Variants in TCHH observed in about 807,000 individuals in gnomAD.
The protein encoded by TCHH is trichohyalin.
In TCHH, 6 loss-of-function variants were observed where a neutral mutation model predicts 6.3. The observed-to-expected ratio is 0.95, with a 90% CI of 0.52 to 1.88. TCHH has a LOEUF of 1.88. Among genes scored for constraint, TCHH ranks in the 40% most tolerant of loss-of-function variants. The pLI is 0.01. For synonymous variants in TCHH, 1,087 were observed against 963.6 expected (o/e 1.13, Z -2.37); for missense variants, 2,920 against 2,449.1 (o/e 1.19, Z -4.06).
rs768981306 is a variant in TCHH at position 152,110,234 on chromosome 1, C to T, written c.2983G>A (p.Glu995Lys). The change falls in exon 3 of 3, where the codon GAG becomes AAG. Residue 995 changes from glutamate (E) to lysine (K), a missense_variant. Physicochemically the swap from Glu to Lys is moderately conservative, Grantham distance 56. Transcript: ENST00000614923. ...AGCTGCTCTTCCTCCTGCTGCAACT[C>T]CTCTTCCTCGCGGTATTTTTTCTCC... ...EREKKYREEE[E>K]LQQEEEQLLR... The T allele has an allele frequency of 3.1e-6, 5 of 1,602,714 alleles. No individual in the cohort carries two copies. Among genetic ancestry groups the T allele is most frequent in the East Asian group, 4.5e-5 (2 of 44,136 alleles).
chr1:152,115,260 T>C (rs1211766321), intron 1 of TCHH, 131 bp downstream of exon 1: 2 of 152,204 alleles, frequency 1.3e-5, no homozygotes, highest in Non-Finnish European at 2.9e-5. Flanking sequence ...GAGTTAGTGA[T>C]AGTTTATTTA....
rs1658300205 is a variant in TCHH, at chr1:152,110,520, C to T, written c.2697G>A (p.Leu899=). The change falls in exon 3 of 3, where the codon CTG becomes CTA. Residue 899 remains leucine, a synonymous_variant. Coordinates refer to ENST00000614923, the MANE Select transcript of TCHH (RefSeq NM_007113.4). The part of the protein sequence containing the change: ...LYAKPALQEQ[L]RKEQQLLQEE... Reference sequence around the variant, plus strand: ...CCTGCAGCAGCTGCTGTTCCTTCCTCAGCTGCTCTTGTAGGGCTGGCTTGG... The same window carrying T: ...CCTGCAGCAGCTGCTGTTCCTTCCTTAGCTGCTCTTGTAGGGCTGGCTTGG... 1.9e-6 allele frequency: 3 copies of T among 1,614,098 alleles called. No homozygotes were observed. The highest frequency in any genetic ancestry group is 2.7e-5 in the African/African-American group (2 of 74,930).
At position 152,108,077 on chromosome 1, in the gene TCHH, G is replaced by C. The variant is rs1210207434; in HGVS notation, c.5140C>G (p.Gln1714Glu). Residue 1714 changes from glutamine to glutamate, a missense_variant, in exon 3 of 3, where the codon CAG becomes GAG. Coordinates refer to ENST00000614923, the MANE Select transcript of TCHH (RefSeq NM_007113.4). ...ERERKFLQEE[Q>E]QLRRQELERK... is the part of the protein sequence containing the mutation. ...TCCAGTTCCTGGCGGCGCAGCTGCTGTTCCTCCTGGAGGAATTTTCTCTCT... is the reference window on the plus strand; with the variant it reads ...TCCAGTTCCTGGCGGCGCAGCTGCTCTTCCTCCTGGAGGAATTTTCTCTCT... 5 of 1,612,586 alleles carry C rather than the reference G, an allele frequency of 3.1e-6. No individual in the cohort carries two copies. The highest frequency in any genetic ancestry group is 4.2e-6 in the Non-Finnish European group (5 of 1,179,756).
In TCHH at chr1:152,109,143, A is replaced by T; in HGVS notation, c.4074T>A (p.Arg1358=). The change falls in exon 3 of 3, where the codon CGT becomes CGA. Residue 1358 remains arginine, a synonymous_variant. Coordinates refer to ENST00000614923, the MANE Select transcript of TCHH (RefSeq NM_007113.4). ...REEQPLRRQE[R]DRKFREEELR... ...GTTCCTCTTCGCGGAATTTTCTGTCACGCTCTTGGCGGCGCAGCGGCTGTT... is the reference window on the plus strand; with the variant it reads ...GTTCCTCTTCGCGGAATTTTCTGTCTCGCTCTTGGCGGCGCAGCGGCTGTT... 6.2e-7 allele frequency: 1 copy of T among 1,611,356 alleles called. No homozygotes were observed.
chr1:152,109,179 C>G lies in TCHH; in HGVS notation c.4038G>C (p.Gln1346His). ...GGCGCAGCGGCTGTTCCTCCCTTTC[C>G]TGGAGCAGCTGTTCCTCCTCGCGGA... Reference protein sequence around the residue: ...RKFREEEQLLQEREEQPLRRQ... With the variant: ...RKFREEEQLLHEREEQPLRRQ... Residue 1346 changes from glutamine (Q) to histidine (H), a missense_variant, in exon 3 of 3, where the codon CAG becomes CAC. Physicochemically the swap from Gln to His is conservative, Grantham distance 24 (BLOSUM62 0). Transcript: ENST00000614923. 1 of 1,613,658 alleles carries G rather than the reference C, an allele frequency of 6.2e-7. No individual in the cohort carries two copies. Among genetic ancestry groups the G allele is most frequent in the Non-Finnish European group, 8.5e-7 (1 of 1,179,714 alleles).
rs749606663 is a variant in TCHH at position 152,111,513 on chromosome 1, C to T, written c.1704G>A (p.Lys568=). Residue 568 remains lysine, a synonymous_variant, in exon 3 of 3, where the codon AAG becomes AAA. Transcript: ENST00000614923. ...LEQERREQRL[K]REQEERRDQL... is the part of the protein sequence containing the mutation. ...GATCGCGCCTCTCCTCCTGCTCGCG[C>T]TTCAGCCGCTGCTCTCGCCTCTCCT... 6.2e-7 allele frequency: 1 copy of T among 1,608,784 alleles called. No individual in the cohort carries two copies. Among genetic ancestry groups the T allele is most frequent in the Non-Finnish European group, 8.5e-7 (1 of 1,177,418 alleles).
rs753119230 is a variant in TCHH at position 152,109,288 on chromosome 1, C to T, written c.3929G>A (p.Arg1310His). The change falls in exon 3 of 3, where the codon CGC becomes CAC. Residue 1310 changes from arginine to histidine, a missense_variant. By Grantham distance (29) the Arg-to-His change is conservative. Coordinates refer to ENST00000614923, the MANE Select transcript of TCHH (RefSeq NM_007113.4). ...CTTTTCCTCTTGGGACTTCCTGTCG[C>T]GCCTTTTGGCTTCCTTTTGCTCTTC... ...EREEQKEAKRRDRKSQEEKQL... is the reference protein window; with the variant it reads ...EREEQKEAKRHDRKSQEEKQL... 42 of 1,614,096 alleles carry T rather than the reference C, an allele frequency of 2.6e-5. No individual in the cohort carries two copies. The South Asian group carries it at 4.6e-4, about 18-fold the overall frequency.
chr1:152,107,280 A>C lies in TCHH; in HGVS notation c.*105T>G. On this transcript the variant is annotated 3_prime_UTR_variant, in exon 3 of 3. Coordinates refer to ENST00000614923, the MANE Select transcript of TCHH (RefSeq NM_007113.4). ...AAGAAAAGACATTCTAATATCAGAGAGTTTTCCCACAACCAGAAACATCTG... is the reference window on the plus strand; with the variant it reads ...AAGAAAAGACATTCTAATATCAGAGCGTTTTCCCACAACCAGAAACATCTG... The C allele has an allele frequency of 1.7e-6, 2 of 1,179,230 alleles. No homozygotes were observed. The highest frequency in any genetic ancestry group is 2.4e-5 in the East Asian group (1 of 41,728). 73.0% of individuals were successfully genotyped at this position (1,179,230 alleles called of 1,614,324 possible).
In TCHH at chr1:152,109,115, G is replaced by C. The variant is rs778487135; in HGVS notation, c.4102C>G (p.Arg1368Gly). The part of the protein sequence containing the change: ...RDRKFREEEL[R>G]HQEQGRKFLE... ...AATTTTCTCCCTTGTTCCTGATGGC[G>C]CAGTTCCTCTTCGCGGAATTTTCTG... The change falls in exon 3 of 3, where the codon CGC becomes GGC. Residue 1368 changes from arginine to glycine, a missense_variant. By Grantham distance (125) the Arg-to-Gly change is moderately radical. Transcript: ENST00000614923. 5.6e-6 allele frequency: 9 copies of C among 1,613,514 alleles called. No individual in the cohort carries two copies. The highest frequency in any genetic ancestry group is 7.6e-6 in the Non-Finnish European group (9 of 1,179,922).
intron 1 of TCHH, 119 bp downstream of exon 1, chr1:152,115,272 C>G (rs1658481191): frequency 6.6e-6 from 1 of 152,150 alleles, no homozygotes; most frequent in Non-Finnish European, 1.5e-5. Context: ...GTTTATTTAT[C>G]CCTGCAAAAT....
At position 152,109,935 on chromosome 1, in the gene TCHH, C is replaced by T. The variant is rs775437162; in HGVS notation, c.3282G>A (p.Leu1094=). The T allele has an allele frequency of 4.0e-5, 63 of 1,591,976 alleles. No individual in the cohort carries two copies. In the East Asian group the frequency reaches 1.4e-3, roughly 35 times the overall value. The change falls in exon 3 of 3, where the codon CTG becomes CTA. Residue 1094 remains leucine (L), a synonymous_variant. Coordinates refer to ENST00000614923, the MANE Select transcript of TCHH (RefSeq NM_007113.4). ...GCCTTCTCTTCTCCGGTTCCTCTCT[C>T]AGCAGCTGCTCTTCCTCCTGCTGCA... ...EELQQEEEQL[L]REEPEKRRRQ...
chr1:152,109,412 G>A lies in TCHH; in HGVS notation c.3805C>T (p.His1269Tyr). 6.2e-7 allele frequency: 1 copy of A among 1,613,514 alleles called. No homozygotes were observed. Among genetic ancestry groups the A allele is most frequent in the Non-Finnish European group, 8.5e-7 (1 of 1,179,458 alleles). ...RDRQSQQDLQ[H>Y]LLGEQQERDR... ...CGCTCTTGCTGTTCACCCAGCAGGTGCTGCAGATCTTGCTGGGATTGTCTG... is the reference window on the plus strand; with the variant it reads ...CGCTCTTGCTGTTCACCCAGCAGGTACTGCAGATCTTGCTGGGATTGTCTG... The change falls in exon 3 of 3, where the codon CAC becomes TAC. Residue 1269 changes from histidine (H) to tyrosine (Y), a missense_variant. Coordinates refer to ENST00000614923, the MANE Select transcript of TCHH (RefSeq NM_007113.4).
In TCHH at chr1:152,110,836, C is replaced by A. The variant is rs768068744; in HGVS notation, c.2381G>T (p.Arg794Leu). The A allele has an allele frequency of 2.4e-5, 38 of 1,609,306 alleles. No individual in the cohort carries two copies. In the South Asian group the frequency reaches 3.7e-4, roughly 16 times the overall value. The change falls in exon 3 of 3, where the codon CGG becomes CTG. Residue 794 changes from arginine (R) to leucine (L), a missense_variant. Transcript: ENST00000614923. ...CTCCTCGGCCCTCAGCTGCCTCTCC[C>A]GCTGCTCCCGCAATGGGGGCCTGGC... ...LSARPPLREQ[R>L]ERQLRAEERQ... is the part of the protein sequence containing the mutation.
At position 152,112,259 on chromosome 1, in the gene TCHH, C is replaced by T. The variant is rs577300736; in HGVS notation, c.958G>A (p.Glu320Lys). Residue 320 changes from glutamate (E) to lysine (K), a missense_variant, in exon 3 of 3, where the codon GAG becomes AAG. Glu to Lys is a moderately conservative substitution (Grantham distance 56). Transcript: ENST00000614923. ...CGCCTCTCCTGCTGCTCGCGCCTCT[C>T]CTCCTGCTGCTCGCGCCTCTCCTCC... ...QEEERREQQE[E>K]RREQQERREQ... 2.0e-6 allele frequency: 3 copies of T among 1,491,174 alleles called. No individual in the cohort carries two copies. The highest frequency in any genetic ancestry group is 2.7e-6 in the Non-Finnish European group (3 of 1,115,248). The allele number at this position is 1,491,174 out of a possible 1,614,324, so 92.4% of individuals were successfully genotyped here. A position where few individuals can be genotyped will look rare whatever the true frequency, so the allele number is the denominator to read the frequency against.
In TCHH at chr1:152,109,885, C is replaced by T. The variant is rs1252432536; in HGVS notation, c.3332G>A (p.Arg1111Gln). 2 of 1,603,478 alleles carry T rather than the reference C, an allele frequency of 1.2e-6. No individual in the cohort carries two copies. The highest frequency in any genetic ancestry group is 3.4e-5 in the Admixed American group (2 of 58,118). The change falls in exon 3 of 3, where the codon CGG becomes CAG. Residue 1111 changes from arginine (R) to glutamine (Q), a missense_variant. Transcript: ENST00000614923. The stretch of plus-strand genomic sequence containing the variant: ...CTCCTGCTGCAGCTCCTCTTCCTCC[C>T]GACATTGCCTCTCCCGCTCCTGGCG... ...RRRQERERQC[R>Q]EEEELQQEEE...
In TCHH at chr1:152,112,217, TCTCCTC is replaced by T. The variant is rs574276899; in HGVS notation, c.994_999del (p.Glu332_Glu333del). On this transcript the variant is annotated inframe_deletion, in exon 3 of 3. Transcript: ENST00000614923. ...TCGCGCCTCAGCTGCTGCTCGCGCC[TCTCCTC>T]CTGCTGCTCGCGCCTCTCCTGCTGC... The T allele has an allele frequency of 6.8e-7, 1 of 1,466,830 alleles. No individual in the cohort carries two copies. Among genetic ancestry groups the T allele is most frequent in the African/African-American group, 1.8e-5 (1 of 55,398 alleles). The allele number at this position is 1,466,830 out of a possible 1,614,324, so 90.9% of individuals were successfully genotyped here.
chr1:152,114,163 A>G, intron 1 of TCHH, 52 bp from the exon 2 acceptor site: 1 of 1,358,184 alleles, frequency 7.4e-7, no homozygotes, highest in South Asian at 1.5e-5. Flanking sequence ...TGCTTTTGGG[A>G]AGGCTTCATT....
Position 152,107,550 on chromosome 1 carries a change from C to G in TCHH, c.5667G>C (p.Gln1889His). The G allele has an allele frequency of 6.2e-7, 1 of 1,614,140 alleles. No individual in the cohort carries two copies. The highest frequency in any genetic ancestry group is 8.5e-7 in the Non-Finnish European group (1 of 1,180,010). Reference sequence around the variant, plus strand: ...CTTGGCGGTGCCTCTGTTCCTCCTTCTGCTGGCGGCGGATGTGTTCTTCCC... The same window carrying G: ...CTTGGCGGTGCCTCTGTTCCTCCTTGTGCTGGCGGCGGATGTGTTCTTCCC... Reference protein sequence around the residue: ...KLREEHIRRQQKEEQRHRQVG... With the variant: ...KLREEHIRRQHKEEQRHRQVG... The change falls in exon 3 of 3, where the codon CAG becomes CAC. Residue 1889 changes from glutamine (Q) to histidine (H), a missense_variant. Transcript: ENST00000614923.
At chr1:152,114,860 T>A (rs373548148) in intron 1 of TCHH, among the ~76,000 whole-genome samples, 1 of 152,244 alleles carries the variant, frequency 6.6e-6, no homozygotes, top group African/African-American at 2.4e-5. Flanking sequence ...AAACTGTGAA[T>A]GATATTGGTT....
Sources: allele counts gnomAD v4.1 joint callset (sites outside exome capture counted in the v4.1 genomes callset), GRCh38; gene constraint gnomAD v4.1.1; transcripts MANE v1.5; gene names NCBI Gene and HGNC (gene_info 2026-07-23, HGNC 2026-07-21).